LRRC39: variants seen among roughly 807,000 people sequenced by gnomAD.
The protein encoded by LRRC39 is leucine rich repeat containing 39, also known as leucine-rich repeat-containing protein 39.
Under a neutral mutation model 39.7 loss-of-function variants are expected in LRRC39, and 35 were observed. That is an observed-to-expected ratio of 0.88 (90% CI 0.67 to 1.17). LRRC39 has a LOEUF of 1.17. Ranked by LOEUF, LRRC39 falls within the 50% of genes most tolerant of loss-of-function variation. LRRC39 has a pLI of 0.00. For missense variants in LRRC39, 357 were observed against 385.8 expected (o/e 0.93, Z 0.62); for synonymous variants, 113 against 134.1 (o/e 0.84, Z 1.09).
chr1:100,169,668 A>G (rs915736643), intron 2 of LRRC39, among the ~76,000 whole-genome samples: 6 of 152,118 alleles, frequency 3.9e-5, no homozygotes, highest in African/African-American at 1.4e-4. Flanking sequence ...CAAAATATAT[A>G]ACTATCCCAC....
intron 3 of LRRC39, among the ~76,000 whole-genome samples, chr1:100,162,584 G>A (rs534147886): frequency 6.6e-6 from 1 of 151,902 alleles, no homozygotes; most frequent in South Asian, 2.1e-4. Context: ...GTTGCAGTGA[G>A]CCAAGATTGC....
rs1466622185 is a variant in LRRC39, at chr1:100,176,283, C to G, written c.-119+1852G>C. Among the ~76,000 whole-genome samples, 5 of 152,104 alleles carry G rather than the reference C, an allele frequency of 3.3e-5. No individual in the cohort carries two copies. In the East Asian group the frequency reaches 9.6e-4, roughly 29 times the overall value. Reference sequence around the variant, plus strand: ...CTCTACTAAAAAAACATAAAATTAGCCAGGCGTGGTGGCACATGCCTGTAA... The same window carrying G: ...CTCTACTAAAAAAACATAAAATTAGGCAGGCGTGGTGGCACATGCCTGTAA... On this transcript the variant is annotated intron_variant, in intron 1 of 9. Coordinates refer to ENST00000370137, the MANE Select transcript of LRRC39 (RefSeq NM_144620.4).
chr1:100,177,451 AT>A (rs1161684354), intron 1 of LRRC39, among the ~76,000 whole-genome samples: 1 of 152,206 alleles, frequency 6.6e-6, no homozygotes, highest in Non-Finnish European at 1.5e-5. Flanking sequence ...TAGGCAGGAA[AT>A]TGTTGAGAGA....
intron 9 of LRRC39, chr1:100,149,739 T>C (rs1465890641): frequency 4.5e-6 from 1 of 223,348 alleles, no homozygotes; most frequent in Non-Finnish European, 8.7e-6. Flanking sequence ...AAGAAAATAC[T>C]AAACCAAATA....
intron 2 of LRRC39, among the ~76,000 whole-genome samples, chr1:100,170,058 T>A (rs1404891543): frequency 6.6e-6 from 1 of 152,092 alleles, no homozygotes; most frequent in Admixed American, 6.5e-5. Flanking sequence ...AAATCCTGAG[T>A]GTTGTTTATG....
intron 2 of LRRC39, among the ~76,000 whole-genome samples, chr1:100,172,521 TACTAAAAA>T (rs1659685257): frequency 6.6e-6 from 1 of 151,238 alleles, no homozygotes. Context: ...ACCCCGTCTC[TACTAAAAA>T]AATACAAAAA....
At chr1:100,152,934 C>A (rs1480016296) in intron 8 of LRRC39, among the ~76,000 whole-genome samples, 2 of 152,162 alleles carry the variant, frequency 1.3e-5, no homozygotes, top group Admixed American at 1.3e-4. Context: ...GCCATATTGG[C>A]CAGGCTGGTC....
At chr1:100,173,066 TAAATAA>T (rs1349591597) in intron 2 of LRRC39, among the ~76,000 whole-genome samples, 1 of 140,974 alleles carries the variant, frequency 7.1e-6, no homozygotes, top group African/African-American at 2.7e-5. Flanking sequence ...AAAAATAAAA[TAAATAA>T]AAATAAAAAA....
At position 100,148,959 on chromosome 1, in the gene LRRC39, A is replaced by G; in HGVS notation, c.*83T>C. ...GCTGTGGCCTCATTAAACTTTGGTAATAGCTTTTCTTTTTACTTCAGAAAT... is the reference window on the plus strand; with the variant it reads ...GCTGTGGCCTCATTAAACTTTGGTAGTAGCTTTTCTTTTTACTTCAGAAAT... On this transcript the variant is annotated 3_prime_UTR_variant, in exon 10 of 10. Coordinates refer to ENST00000370137, the MANE Select transcript of LRRC39 (RefSeq NM_144620.4). 7.7e-7 allele frequency: 1 copy of G among 1,305,938 alleles called. No individual in the cohort carries two copies. Among genetic ancestry groups the G allele is most frequent in the Non-Finnish European group, 1.0e-6 (1 of 979,302 alleles). The allele number at this position is 1,305,938 out of a possible 1,614,324, so 80.9% of individuals were successfully genotyped here.
Position 100,148,564 on chromosome 1 carries a change from T to C in LRRC39, c.*478A>G, listed in dbSNP as rs1557917361. The C allele has an allele frequency of 2.1e-6, 3 of 1,458,692 alleles. No homozygotes were observed. The highest frequency in any genetic ancestry group is 1.4e-5 in the African/African-American group (1 of 69,504). The allele number at this position is 1,458,692 out of a possible 1,614,324, so 90.4% of individuals were successfully genotyped here. A position where few individuals can be genotyped will look rare whatever the true frequency, so the allele number is the denominator to read the frequency against. ...GTCTCTCAATAAATAGTGACAAAAA[T>C]AATTTTTTATAAACTTTTGCAAAAT... is the stretch of plus-strand genomic sequence containing the variant. On this transcript the variant is annotated 3_prime_UTR_variant, in exon 10 of 10. Coordinates refer to ENST00000370137, the MANE Select transcript of LRRC39 (RefSeq NM_144620.4).
At chr1:100,178,792 G>C (rs1167504345), upstream of LRRC39, among the ~76,000 whole-genome samples, 1 of 152,042 alleles carries the variant, frequency 6.6e-6, no homozygotes, top group East Asian at 1.9e-4. Flanking sequence ...ACATGGAACA[G>C]AATTCAAAAG....
At chr1:100,168,293 AAATAAAATTCTATATCAAATTCAAT>A in intron 3 of LRRC39, 86 bp downstream of exon 3, 2 of 828,856 alleles carry the variant, frequency 2.4e-6, no homozygotes, top group Non-Finnish European at 3.6e-6. Flanking sequence ...AGTTTTCAGT[AAATAAAATTCTATATCAAATTCAAT>A]AACAAGGCAT....
intron 3 of LRRC39, among the ~76,000 whole-genome samples, chr1:100,166,348 G>A (rs187218998): frequency 1.6e-3 from 239 of 152,286 alleles, no homozygotes; most frequent in Admixed American, 3.1e-3. Flanking sequence ...GGATGGCTCA[G>A]AAGAAGAAAA....
At chr1:100,149,201 A>G (rs900914416) in intron 9 of LRRC39, 104 bp from the exon 10 acceptor site, 2 of 1,492,266 alleles carry the variant, frequency 1.3e-6, no homozygotes, top group East Asian at 2.6e-5. Flanking sequence ...TTTATTTCTT[A>G]AGTTCAAGAG....
intron 3 of LRRC39, among the ~76,000 whole-genome samples, chr1:100,166,059 G>C (rs4908041): frequency 6.6e-6 from 1 of 151,684 alleles, no homozygotes; most frequent in Non-Finnish European, 1.5e-5. Flanking sequence ...CCTTTCATTT[G>C]GTTCTCATTC....
chr1:100,175,192 T>C (rs1268871737), intron 1 of LRRC39, among the ~76,000 whole-genome samples: 1 of 152,006 alleles, frequency 6.6e-6, no homozygotes, highest in Non-Finnish European at 1.5e-5. Flanking sequence ...TTGTGGTTTT[T>C]TGTTTGTTTG....
chr1:100,178,975 C>T (rs1360423991), upstream of LRRC39, among the ~76,000 whole-genome samples: 2 of 152,128 alleles, frequency 1.3e-5, no homozygotes, highest in African/African-American at 2.4e-5. Flanking sequence ...CCCTTAAAAG[C>T]ACACATATGT....
At chr1:100,169,892 C>A (rs1461687969) in intron 2 of LRRC39, among the ~76,000 whole-genome samples, 9 of 152,050 alleles carry the variant, frequency 5.9e-5, no homozygotes, top group Admixed American at 3.3e-4. Flanking sequence ...ATTGATTGTG[C>A]CCATTTATAC....
In LRRC39 at chr1:100,156,309, A is replaced by G; in HGVS notation, c.522T>C (p.Asn174=). ...GATCAAGGTGAGTAAGTTTTAGCAG[A>G]TTGCTGAGCTGAAGAAGAAAGCAAG... is the stretch of plus-strand genomic sequence containing the variant. ...DICDLPQELS[N]LLKLTHLDLS... Residue 174 remains asparagine, a synonymous_variant, in exon 7 of 10, where the codon AAT becomes AAC. Coordinates refer to ENST00000370137, the MANE Select transcript of LRRC39 (RefSeq NM_144620.4). 1.2e-6 allele frequency: 2 copies of G among 1,603,042 alleles called. No individual in the cohort carries two copies. The highest frequency in any genetic ancestry group is 1.7e-6 in the Non-Finnish European group (2 of 1,173,524).
Sources: gnomAD v4.1 joint callset for allele counts (sites outside exome capture counted in the v4.1 genomes callset) on GRCh38, gnomAD v4.1.1 for gene constraint, MANE v1.5 for transcripts, NCBI Gene and HGNC (gene_info 2026-07-23, HGNC 2026-07-21) for gene names.